Variants in PACRG observed in about 807,000 individuals in gnomAD.
The protein encoded by PACRG is parkin coregulated, also known as parkin coregulated gene protein.
In PACRG, 29 loss-of-function variants were observed where a neutral mutation model predicts 29.7. That is an observed-to-expected ratio of 0.98 (90% confidence interval 0.73 to 1.33). PACRG has a LOEUF of 1.33. Ranked by LOEUF, PACRG falls within the 40% of genes most tolerant of loss-of-function variation. PACRG has a pLI of 0.00. For synonymous variants in PACRG, 116 were observed against 118.7 expected (o/e 0.98, Z 0.15); for missense variants, 279 against 316.2 (o/e 0.88, Z 0.89).
chr6:163,202,097 G>C (rs1400198815), intron 4 of PACRG, among the ~76,000 whole-genome samples: 1 of 152,198 alleles, frequency 6.6e-6, no homozygotes. Context: ...CAGCAGGAGG[G>C]CAGCAGGGTT....
intron 3 of PACRG, among the ~76,000 whole-genome samples, chr6:163,067,122 G>C (rs1333855274): frequency 1.3e-5 from 2 of 152,206 alleles, no homozygotes; most frequent in Non-Finnish European, 1.5e-5. Context: ...ACCAACCCAA[G>C]TGAACAGCCT....
rs996521505 is a variant in PACRG at position 163,163,907 on chromosome 6, A to C, written c.613+74499A>C. 1.0e-4 allele frequency among the ~76,000 whole-genome samples: 15 copies of C among 150,058 alleles called. No individual in the cohort carries two copies. In the South Asian group the frequency reaches 1.1e-3, roughly 11 times the overall value. On this transcript the variant is annotated intron_variant, in intron 4 of 4. Coordinates refer to ENST00000366888, the MANE Select transcript of PACRG (RefSeq NM_001080379.2). ...AGGCCTGAATTATTATTTTAAATCT[A>C]TAAATAATATATTTTACAGATAAAT...
intron 2 of PACRG, among the ~76,000 whole-genome samples, chr6:162,834,113 T>A (rs1468132618): frequency 6.6e-6 from 1 of 152,120 alleles, no homozygotes; most frequent in Non-Finnish European, 1.5e-5. Flanking sequence ...GTACGTTAGG[T>A]GCACAGTGAA....
chr6:163,245,081 G>A, intron 4 of PACRG: 1 of 450,968 alleles, frequency 2.2e-6, no homozygotes, highest in Non-Finnish European at 4.4e-6. Flanking sequence ...ATGCTTCCCA[G>A]ACTAAACTCT....
intron 4 of PACRG, among the ~76,000 whole-genome samples, chr6:163,260,928 G>T (rs1185027757): frequency 6.6e-6 from 1 of 151,910 alleles, no homozygotes; most frequent in Non-Finnish European, 1.5e-5. Context: ...TTCGAATCTA[G>T]GAACCTTTTT....
intron 2 of PACRG, among the ~76,000 whole-genome samples, chr6:162,907,479 A>G (rs1268616942): frequency 6.6e-6 from 1 of 152,136 alleles, no homozygotes; most frequent in Non-Finnish European, 1.5e-5. Context: ...GGAAGGGAAG[A>G]GAGTAGAAAA....
At chr6:163,295,752 A>G (rs963289847) in intron 4 of PACRG, among the ~76,000 whole-genome samples, 2 of 152,160 alleles carry the variant, frequency 1.3e-5, no homozygotes, top group African/African-American at 4.8e-5. Flanking sequence ...TATATACCCT[A>G]TTTAACCTTC....
rs147319372 is a variant in PACRG, at chr6:162,962,119, C to G, written c.292-100031C>G. 1.9e-3 allele frequency among the ~76,000 whole-genome samples: 282 copies of G among 152,266 alleles called. 1 individual carries two copies. Among genetic ancestry groups the G allele is most frequent in the African/African-American group, 6.4e-3 (264 of 41,556 alleles). ...TGCCCCCTCTTCTCTGAACCCTTTTCTGGCCCTACCTCATTTAACCTCTGA... is the reference window on the plus strand; with the variant it reads ...TGCCCCCTCTTCTCTGAACCCTTTTGTGGCCCTACCTCATTTAACCTCTGA... On this transcript the variant is annotated intron_variant, in intron 2 of 4. Transcript: ENST00000366888.
At chr6:163,279,872 T>G (rs966390279) in intron 4 of PACRG, among the ~76,000 whole-genome samples, 1 of 152,224 alleles carries the variant, frequency 6.6e-6, no homozygotes, top group African/African-American at 2.4e-5. Context: ...GATAGATTAT[T>G]CCTATGTTAT....
At chr6:163,012,178 T>C (rs144164742) in intron 2 of PACRG, among the ~76,000 whole-genome samples, 2,148 of 152,358 alleles carry the variant, frequency 0.014, 51 homozygotes, top group African/African-American at 0.049. Context: ...TAACATATTG[T>C]ACCCCTTTTA....
chr6:163,031,359 A>G (rs998927265), intron 2 of PACRG, among the ~76,000 whole-genome samples: 1 of 152,194 alleles, frequency 6.6e-6, no homozygotes, highest in Non-Finnish European at 1.5e-5. Flanking sequence ...GAATTAGAAC[A>G]CTGATTTAGA....
rs890590704 is a variant in PACRG at position 163,055,354 on chromosome 6, G to A, written c.292-6796G>A. ...TGCACACACACATGCACACACACACGCACACACACGCACACATATACACAC... is the reference window on the plus strand; with the variant it reads ...TGCACACACACATGCACACACACACACACACACACGCACACATATACACAC... On this transcript the variant is annotated intron_variant, in intron 2 of 4. Coordinates refer to ENST00000366888, the MANE Select transcript of PACRG (RefSeq NM_001080379.2). The surrounding 1 kb of genome is among the most constrained non-coding windows in gnomAD (Gnocchi z 4.0). Among the ~76,000 whole-genome samples the A allele has an allele frequency of 2.7e-5, 4 of 149,836 alleles. No individual in the cohort carries two copies. Among genetic ancestry groups the A allele is most frequent in the African/African-American group, 7.4e-5 (3 of 40,578 alleles).
chr6:162,856,141 C>T (rs1382192849), intron 2 of PACRG, among the ~76,000 whole-genome samples: 1 of 152,050 alleles, frequency 6.6e-6, no homozygotes, highest in Non-Finnish European at 1.5e-5. Context: ...AATGCGGCCT[C>T]GAACTTCTAG....
intron 2 of PACRG, among the ~76,000 whole-genome samples, chr6:162,944,499 G>A (rs1199578729): frequency 6.6e-6 from 1 of 152,028 alleles, no homozygotes; most frequent in Non-Finnish European, 1.5e-5. Flanking sequence ...GAAATCCTGG[G>A]AAAAGAATTT....
chr6:162,855,168 T>G lies in PACRG; in HGVS notation c.291+40887T>G, dbSNP rs890319324. Among the ~76,000 whole-genome samples, 4 of 152,198 alleles carry G rather than the reference T, an allele frequency of 2.6e-5. No individual in the cohort carries two copies. The East Asian group carries it at 7.7e-4, about 29-fold the overall frequency. ...CTGCCTTCTCAGACTCGGCGTAAGC[T>G]GGAGATAATGCCCAGCGCTGACACC... On this transcript the variant is annotated intron_variant, in intron 2 of 4. Transcript: ENST00000366888.
At chr6:162,951,444 C>T (rs796294607) in intron 2 of PACRG, among the ~76,000 whole-genome samples, 4 of 152,206 alleles carry the variant, frequency 2.6e-5, no homozygotes, top group African/African-American at 9.6e-5. Context: ...AATTCTCTGT[C>T]AGATATTTCT....
At chr6:163,146,127 C>G (rs1777794570) in intron 4 of PACRG, among the ~76,000 whole-genome samples, 1 of 152,190 alleles carries the variant, frequency 6.6e-6, no homozygotes, top group Non-Finnish European at 1.5e-5. Flanking sequence ...CAGATCATCA[C>G]TCTTCCGTTC....
chr6:162,852,865 C>T (rs570601445), intron 2 of PACRG, among the ~76,000 whole-genome samples: 1 of 152,314 alleles, frequency 6.6e-6, no homozygotes, highest in African/African-American at 2.4e-5. Context: ...GTGATCTCAT[C>T]ACTGATAAAC....
Position 162,728,162 on chromosome 6 carries a change from C to G in PACRG, c.-74C>G. 6.5e-7 allele frequency: 1 copy of G among 1,538,584 alleles called. No homozygotes were observed. The highest frequency in any genetic ancestry group is 8.8e-7 in the Non-Finnish European group (1 of 1,134,276). On this transcript the variant is annotated 5_prime_UTR_variant, in exon 1 of 5. Transcript: ENST00000366888. ...CGCCTTTTGATATTTTTTTCCAGAC[C>G]TCCTGCTCACATCCGTAAAGCCCAC...
Sources: gnomAD v4.1 joint callset for allele counts (sites outside exome capture counted in the v4.1 genomes callset) on GRCh38, gnomAD v4.1.1 for gene constraint, Gnocchi (gnomAD v3.1) non-coding constraint, MANE v1.5 for transcripts, NCBI Gene and HGNC (gene_info 2026-07-23, HGNC 2026-07-21) for gene names.